The following WDR25 variants were observed in gnomAD, a reference collection of about 807,000 sequenced individuals.
The protein encoded by WDR25 is WD repeat domain 25, also known as WD repeat-containing protein 25.
In WDR25, 35 loss-of-function variants were observed where a neutral mutation model predicts 47.7. That is an observed-to-expected ratio of 0.73 (90% CI 0.56 to 0.97). The LOEUF (loss-of-function observed/expected upper bound fraction) is 0.97. Among genes scored for constraint, WDR25 ranks in the 50% least tolerant of loss-of-function variants. The pLI is 0.00. For synonymous variants in WDR25, 248 were observed against 278.9 expected, an observed-to-expected ratio of 0.89 and a Z score of 1.10; for missense variants, 634 against 704.7, an observed-to-expected ratio of 0.90 and a Z score of 1.14.
intron 2 of WDR25, among the ~76,000 whole-genome samples, chr14:100,385,687 G>A (rs1213119278): frequency 6.6e-6 from 1 of 152,054 alleles, no homozygotes; most frequent in East Asian, 1.9e-4. Flanking sequence ...CTTTCCTGAC[G>A]ATCCCTTCCT....
chr14:100,394,944 C>T (rs993309274), intron 2 of WDR25, among the ~76,000 whole-genome samples: 1 of 152,058 alleles, frequency 6.6e-6, no homozygotes, highest in African/African-American at 2.4e-5. Flanking sequence ...ATGATTGTGC[C>T]ACTGCACTCA....
At chr14:100,492,654 GCTT>G (rs893790633) in intron 4 of WDR25, among the ~76,000 whole-genome samples, 6 of 152,060 alleles carry the variant, frequency 3.9e-5, no homozygotes, top group African/African-American at 1.2e-4. Context: ...CACTGAACAT[GCTT>G]CTTCTTAAGG....
intron 2 of WDR25, among the ~76,000 whole-genome samples, chr14:100,462,491 C>T (rs1279600101): frequency 6.6e-6 from 1 of 152,180 alleles, no homozygotes; most frequent in Admixed American, 6.5e-5. Context: ...CCCTCCTTCA[C>T]CCTGGATAGC....
chr14:100,494,948 T>C (rs1900684122), intron 4 of WDR25, among the ~76,000 whole-genome samples: 1 of 152,166 alleles, frequency 6.6e-6, no homozygotes, highest in Non-Finnish European at 1.5e-5. Flanking sequence ...GAGAGCAGCC[T>C]GGGCAACATA....
chr14:100,390,651 C>A (rs935544570), intron 2 of WDR25, among the ~76,000 whole-genome samples: 3 of 152,214 alleles, frequency 2.0e-5, no homozygotes, highest in Non-Finnish European at 4.4e-5. Context: ...GTCAAGGTCT[C>A]TGTGTTTAGT....
chr14:100,393,608 G>A (rs748580754), intron 2 of WDR25, among the ~76,000 whole-genome samples: 5 of 152,158 alleles, frequency 3.3e-5, no homozygotes, highest in African/African-American at 9.7e-5. Context: ...GTGTGTCTGT[G>A]GGGGGAAGAG....
chr14:100,507,734 G>C (rs1360196196), intron 4 of WDR25, among the ~76,000 whole-genome samples: 1 of 150,242 alleles, frequency 6.7e-6, no homozygotes, highest in Non-Finnish European at 1.5e-5. Context: ...GAATGTTATT[G>C]GTGTATAGAA....
chr14:100,475,973 T>G, intron 3 of WDR25, among the ~76,000 whole-genome samples: 1 of 152,194 alleles, frequency 6.6e-6, no homozygotes, highest in East Asian at 1.9e-4. Flanking sequence ...GGTGTAAGTA[T>G]GTTATTAGAA....
rs968040783 is a variant in WDR25 at position 100,442,461 on chromosome 14, A to G, written c.823-25560A>G. ...ATTTCAGCACTGAAATAGTGGGTCT[A>G]TGTTATTAACATTTTATATGCTAGG... On this transcript the variant is annotated intron_variant, in intron 2 of 6. Transcript: ENST00000402312. 2.0e-5 allele frequency among the ~76,000 whole-genome samples: 3 copies of G among 152,218 alleles called. 1 individual carries two copies. The highest frequency in any genetic ancestry group is 4.4e-5 in the Non-Finnish European group (3 of 68,038).
At chr14:100,497,923 A>T (rs1481465196) in intron 4 of WDR25, among the ~76,000 whole-genome samples, 1 of 152,154 alleles carries the variant, frequency 6.6e-6, no homozygotes, top group African/African-American at 2.4e-5. Flanking sequence ...GCTGGGAGAC[A>T]TGATGGTCTT....
At chr14:100,485,547 C>T (rs193117036) in intron 4 of WDR25, among the ~76,000 whole-genome samples, 17 of 152,282 alleles carry the variant, frequency 1.1e-4, no homozygotes, top group East Asian at 5.8e-4. Flanking sequence ...CTTGGCTAGG[C>T]GTGGGCTTCA....
chr14:100,422,832 G>A (rs1263230116), intron 2 of WDR25, among the ~76,000 whole-genome samples: 1 of 152,188 alleles, frequency 6.6e-6, no homozygotes, highest in Non-Finnish European at 1.5e-5. Flanking sequence ...GCTCCATCCT[G>A]GGGGTGGTGT....
intron 3 of WDR25, chr14:100,481,130 AAAGGG>A: frequency 2.4e-6 from 1 of 415,234 alleles, no homozygotes; most frequent in Non-Finnish European, 4.7e-6. Flanking sequence ...AAAAAAAAAA[AAAGGG>A]AAAAGGGGAG....
intron 2 of WDR25, among the ~76,000 whole-genome samples, chr14:100,439,041 G>C (rs1053304962): frequency 1.3e-5 from 2 of 152,192 alleles, no homozygotes; most frequent in Non-Finnish European, 2.9e-5. Context: ...CCTGCAGATG[G>C]AGGCAAGGAG....
At chr14:100,458,475 A>G (rs775095741) in intron 2 of WDR25, among the ~76,000 whole-genome samples, 2 of 152,168 alleles carry the variant, frequency 1.3e-5, no homozygotes, top group Non-Finnish European at 2.9e-5. Flanking sequence ...AGATTTCAAC[A>G]CCCCGCTCTC....
Position 100,529,457 on chromosome 14 carries a change from G to A in WDR25, c.1413+249G>A, listed in dbSNP as rs912647072. Reference sequence around the variant, plus strand: ...CTCACACAGACAGGTCTCAGAAGTGGGGGGCAGGAACAGGACAAAATGGTC... The same window carrying A: ...CTCACACAGACAGGTCTCAGAAGTGAGGGGCAGGAACAGGACAAAATGGTC... On this transcript the variant is annotated intron_variant, in intron 6 of 6. Coordinates refer to ENST00000402312, the MANE Select transcript of WDR25 (RefSeq NM_001161476.3). This position sits in a 1 kb window ranked among gnomAD's most constrained non-coding sequence, Gnocchi z 5.1. 9 of 612,960 alleles carry A rather than the reference G, an allele frequency of 1.5e-5. No individual in the cohort carries two copies. The highest frequency in any genetic ancestry group is 7.4e-5 in the African/African-American group (4 of 54,034). The allele number at this position is 612,960 out of a possible 1,614,324, so 38.0% of individuals were successfully genotyped here. A position where few individuals can be genotyped will look rare whatever the true frequency, so the allele number is the denominator to read the frequency against.
chr14:100,430,579 A>C lies in WDR25; in HGVS notation c.823-37442A>C, dbSNP rs899015933. Among the ~76,000 whole-genome samples the C allele has an allele frequency of 6.6e-6, 1 of 152,192 alleles. No homozygotes were observed. The highest frequency in any genetic ancestry group is 2.4e-5 in the African/African-American group (1 of 41,458). Reference sequence around the variant, plus strand: ...TAGTCTTGATGTGCAAAATGGCTTCATGTACTGATAACCTCGTACCTTATG... The same window carrying C: ...TAGTCTTGATGTGCAAAATGGCTTCCTGTACTGATAACCTCGTACCTTATG... On this transcript the variant is annotated intron_variant, in intron 2 of 6. Transcript: ENST00000402312. The surrounding 1 kb of genome is among the most constrained non-coding windows in gnomAD (Gnocchi z 4.7).
chr14:100,433,217 G>A (rs1379824842), intron 2 of WDR25, among the ~76,000 whole-genome samples: 2 of 152,154 alleles, frequency 1.3e-5, no homozygotes, highest in South Asian at 2.1e-4. Context: ...TTTAGTCTCC[G>A]TTAGTTTGAA....
At chr14:100,413,167 A>G (rs1407883679) in intron 2 of WDR25, among the ~76,000 whole-genome samples, 1 of 152,186 alleles carries the variant, frequency 6.6e-6, no homozygotes, top group African/African-American at 2.4e-5. Flanking sequence ...AATTAACTCT[A>G]TGGAGATATA....
Sources: allele counts gnomAD v4.1 joint callset (sites outside exome capture counted in the v4.1 genomes callset), GRCh38; gene constraint gnomAD v4.1.1; non-coding constraint Gnocchi (gnomAD v3.1); transcripts MANE v1.5; gene names NCBI Gene and HGNC (gene_info 2026-07-23, HGNC 2026-07-21).